The following MPHOSPH9 variants were observed in gnomAD, a reference collection of about 807,000 sequenced individuals.
MPHOSPH9 encodes the protein M-phase phosphoprotein 9.
In MPHOSPH9, 88 loss-of-function variants were observed where a neutral mutation model predicts 145.5. The observed-to-expected ratio is 0.60, with a 90% CI of 0.51 to 0.72. The LOEUF is 0.72. Ranked by LOEUF, MPHOSPH9 falls within the 30% of genes least tolerant of loss-of-function variation. The pLI is 0.00. For missense variants in MPHOSPH9, 1,238 were observed against 1,386.6 expected (o/e 0.89, Z 1.70); for synonymous variants, 435 against 486.2 (o/e 0.89, Z 1.39).
chr12:123,170,984 T>C (rs534691699), intron 16 of MPHOSPH9, among the ~76,000 whole-genome samples: 1 of 152,374 alleles, frequency 6.6e-6, no homozygotes, highest in Admixed American at 6.5e-5. Flanking sequence ...ATGTGCATTT[T>C]CATGACAATT....
intron 13 of MPHOSPH9, among the ~76,000 whole-genome samples, chr12:123,190,775 G>A (rs2138208222): frequency 6.6e-6 from 1 of 152,322 alleles, no homozygotes; most frequent in South Asian, 2.1e-4. Context: ...AACAAAGTGA[G>A]TACCTCTAGG....
chr12:123,191,017 T>C (rs920583000), intron 13 of MPHOSPH9, among the ~76,000 whole-genome samples: 4 of 152,124 alleles, frequency 2.6e-5, no homozygotes, highest in African/African-American at 9.7e-5. Flanking sequence ...GGTTTGTGAA[T>C]AATTAGAAAC....
At chr12:123,206,896 G>C (rs968872781) in intron 8 of MPHOSPH9, among the ~76,000 whole-genome samples, 1 of 149,436 alleles carries the variant, frequency 6.7e-6, no homozygotes, top group African/African-American at 2.5e-5. Context: ...CCTGGCAACA[G>C]AGCAAGACTC....
chr12:123,204,572 A>C (rs923740398), intron 8 of MPHOSPH9, among the ~76,000 whole-genome samples: 2 of 152,160 alleles, frequency 1.3e-5, no homozygotes, highest in Middle Eastern at 3.2e-3. Flanking sequence ...TTCATTAGTA[A>C]AATAAGAAGA....
chr12:123,213,489 C>T (rs1166253134), intron 7 of MPHOSPH9, among the ~76,000 whole-genome samples: 2 of 152,062 alleles, frequency 1.3e-5, no homozygotes, highest in African/African-American at 4.8e-5. Context: ...ACAGGCGCAT[C>T]ACCATCCCTG....
chr12:123,153,042 A>G (rs1274568291), downstream of MPHOSPH9: 1 of 153,938 alleles, frequency 6.5e-6, no homozygotes, highest in Non-Finnish European at 1.4e-5. Context: ...TCTGGGCGAG[A>G]AGGGGATAGC....
At position 123,156,850 on chromosome 12, in the gene MPHOSPH9, G is replaced by A. The variant is rs765257604; in HGVS notation, c.3509C>T (p.Thr1170Met). The A allele has an allele frequency of 3.7e-6, 6 of 1,612,248 alleles. No individual in the cohort carries two copies. The highest frequency in any genetic ancestry group is 1.7e-5 in the Admixed American group (1 of 60,010). ...GCGCAAAACATGGAATTTCTTTAGC[G>A]TCATGCGAACTGAACCCAGTTCTCG... The part of the protein sequence containing the change: ...INRELGSVRM[T>M]LKKFHVLRTS... The change falls in exon 24 of 24, where the codon ACG becomes ATG. Residue 1170 changes from threonine (T) to methionine (M), a missense_variant. Thr to Met is a moderately conservative substitution (Grantham distance 81). Coordinates refer to ENST00000606320, the MANE Select transcript of MPHOSPH9 (RefSeq NM_022782.4).
chr12:123,212,643 G>A (rs558584805), intron 7 of MPHOSPH9, among the ~76,000 whole-genome samples: 2 of 145,620 alleles, frequency 1.4e-5, no homozygotes, highest in East Asian at 2.1e-4. Flanking sequence ...TCTGGCAAGC[G>A]GAGGTTACAG....
At chr12:123,232,228 C>T (rs984390435) in intron 1 of MPHOSPH9, among the ~76,000 whole-genome samples, 1 of 151,896 alleles carries the variant, frequency 6.6e-6, no homozygotes, top group Non-Finnish European at 1.5e-5. Flanking sequence ...CTATTATTTC[C>T]CCTGCTAAGG....
chr12:123,163,041 A>G lies in MPHOSPH9; in HGVS notation c.3002T>C (p.Leu1001Pro). 2.5e-6 allele frequency: 4 copies of G among 1,587,630 alleles called. No homozygotes were observed. Among genetic ancestry groups the G allele is most frequent in the Non-Finnish European group, 3.4e-6 (4 of 1,172,290 alleles). ...AATTGGACTGCTCTCATTTTTGCTA[A>G]GCAGATGACTAAATCCTGGGGACAA... ...ENLSPGFSHL[L>P]SKNESSPIRF... The change falls in exon 20 of 24, where the codon CTT becomes CCT. Residue 1001 changes from leucine (L) to proline (P), a missense_variant. By Grantham distance (98) the Leu-to-Pro change is moderately conservative (BLOSUM62 -3). This residue lies in a region of MPHOSPH9 where 393 missense variants were observed against 462.5 expected (regional missense o/e 0.85). Transcript: ENST00000606320.
At position 123,228,375 on chromosome 12, in the gene MPHOSPH9, G is replaced by A. The variant is rs146960069; in HGVS notation, c.105-759C>T. ...AAAATAACAATAAAATAATAGTTAG[G>A]ACCAGTGAAAATATTACTAAAAATT... On this transcript the variant is annotated intron_variant, in intron 2 of 23. Transcript: ENST00000606320. Among the ~76,000 whole-genome samples the A allele has an allele frequency of 3.4e-3, 510 of 152,074 alleles. 2 individuals are homozygous for A. The highest frequency in any genetic ancestry group is 0.014 in the Middle Eastern group (4 of 294).
chr12:123,163,117 G>A lies in MPHOSPH9; in HGVS notation c.2926C>T (p.Leu976=), dbSNP rs749572715. The A allele has an allele frequency of 2.7e-5, 43 of 1,581,722 alleles. No homozygotes were observed. Among genetic ancestry groups the A allele is most frequent in the Non-Finnish European group, 3.5e-5 (41 of 1,170,204 alleles). ...SSTPTKREIM[L]TPVTVAYSPK... Reference sequence around the variant, plus strand: ...CTATAAGCCACAGTCACTGGTGTTAGCATAATCTCTCTTTTTGCTATAGAA... The same window carrying A: ...CTATAAGCCACAGTCACTGGTGTTAACATAATCTCTCTTTTTGCTATAGAA... The change falls in exon 20 of 24, where the codon CTA becomes TTA. Residue 976 remains leucine (L), a synonymous_variant. Coordinates refer to ENST00000606320, the MANE Select transcript of MPHOSPH9 (RefSeq NM_022782.4).
chr12:123,221,275 A>T (rs1242370105), intron 5 of MPHOSPH9, 97 bp downstream of exon 5: 1 of 996,220 alleles, frequency 1.0e-6, no homozygotes, highest in African/African-American at 1.6e-5. Context: ...TGAACTGATA[A>T]ATGTTCAAAT....
intron 12 of MPHOSPH9, among the ~76,000 whole-genome samples, 155 bp from the exon 13 acceptor site, chr12:123,194,756 G>A (rs555188846): frequency 3.0e-4 from 46 of 151,436 alleles, no homozygotes; most frequent in African/African-American, 1.0e-3. Flanking sequence ...CGAGAGCTGC[G>A]ATTACAGGCG....
intron 16 of MPHOSPH9, among the ~76,000 whole-genome samples, chr12:123,174,836 C>T (rs1180201971): frequency 6.6e-6 from 1 of 152,132 alleles, no homozygotes; most frequent in Non-Finnish European, 1.5e-5. Context: ...GAACTAGGTA[C>T]CTTTAGTTGT....
At position 123,156,856 on chromosome 12, in the gene MPHOSPH9, C is replaced by A. The variant is rs758488639; in HGVS notation, c.3503G>T (p.Arg1168Leu). The A allele has an allele frequency of 1.2e-6, 2 of 1,611,852 alleles. No homozygotes were observed. The highest frequency in any genetic ancestry group is 1.1e-5 in the South Asian group (1 of 90,876). Residue 1168 changes from arginine (R) to leucine (L), a missense_variant, in exon 24 of 24, where the codon CGC becomes CTC. Physicochemically the swap from Arg to Leu is moderately radical, Grantham distance 102 (BLOSUM62 -2). Coordinates refer to ENST00000606320, the MANE Select transcript of MPHOSPH9 (RefSeq NM_022782.4). ...ERINRELGSV[R>L]MTLKKFHVLR... ...AACATGGAATTTCTTTAGCGTCATG[C>A]GAACTGAACCCAGTTCTCGATTAAT...
intron 11 of MPHOSPH9, among the ~76,000 whole-genome samples, chr12:123,201,136 T>C (rs541172815): frequency 2.0e-5 from 3 of 152,168 alleles, no homozygotes; most frequent in African/African-American, 7.2e-5. Flanking sequence ...ATGAAAGCTG[T>C]AGAAACATTC....
intron 7 of MPHOSPH9, among the ~76,000 whole-genome samples, chr12:123,211,072 C>A (rs1405239350): frequency 1.3e-5 from 2 of 151,116 alleles, no homozygotes; most frequent in African/African-American, 4.9e-5. Context: ...GCAACCTCCG[C>A]CTCCCAGGTT....
At chr12:123,161,577 CCT>C (rs1197966429) in intron 21 of MPHOSPH9, among the ~76,000 whole-genome samples, 194 bp from the exon 22 acceptor site, 6 of 151,716 alleles carry the variant, frequency 4.0e-5, no homozygotes, top group African/African-American at 1.2e-4. Flanking sequence ...AAAGCTTTGC[CCT>C]CTGTTTGACA....
Sources: allele counts gnomAD v4.1 joint callset (sites outside exome capture counted in the v4.1 genomes callset), GRCh38; gene constraint gnomAD v4.1.1; regional missense constraint gnomAD v4.1.1; transcripts MANE v1.5; gene names NCBI Gene and HGNC (gene_info 2026-07-23, HGNC 2026-07-21).